The following OSBP2 variants were observed in gnomAD, a reference collection of about 807,000 sequenced individuals.
OSBP2 encodes oxysterol-binding protein 2.
Under a neutral mutation model 96.0 loss-of-function variants are expected in OSBP2, and 66 were observed. That is an observed-to-expected ratio of 0.69 (90% CI 0.56 to 0.84). The LOEUF (loss-of-function observed/expected upper bound fraction) is 0.84. OSBP2 is among the 40% of genes least tolerant of loss of function. OSBP2 has a pLI of 0.00. For missense variants in OSBP2, 1,038 were observed against 1,222.7 expected, an observed-to-expected ratio of 0.85 and a Z score of 2.25; for synonymous variants, 525 against 520.9, an observed-to-expected ratio of 1.01 and a Z score of -0.11.
At chr22:30,753,376 A>G (rs527979911) in intron 2 of OSBP2, among the ~76,000 whole-genome samples, 2 of 152,146 alleles carry the variant, frequency 1.3e-5, no homozygotes, top group Non-Finnish European at 2.9e-5. Flanking sequence ...GCAAAAGGGT[A>G]GATGTGTTCA....
intron 2 of OSBP2, among the ~76,000 whole-genome samples, chr22:30,774,660 C>T (rs185797559): frequency 3.3e-5 from 5 of 152,278 alleles, no homozygotes; most frequent in South Asian, 2.1e-4. Context: ...GCAAGAATTC[C>T]GGACAATCTA....
At chr22:30,895,741 C>T (rs1397174566) in intron 12 of OSBP2, among the ~76,000 whole-genome samples, 1 of 151,966 alleles carries the variant, frequency 6.6e-6, no homozygotes, top group South Asian at 2.1e-4. Context: ...GAGTTCAAGA[C>T]TACCCTGGCC....
intron 2 of OSBP2, among the ~76,000 whole-genome samples, chr22:30,772,106 G>T (rs1317205724): frequency 6.6e-6 from 1 of 152,218 alleles, no homozygotes; most frequent in African/African-American, 2.4e-5. Flanking sequence ...GGCAGGCTCT[G>T]CTCTGACCTT....
At chr22:30,761,178 A>G (rs76083736) in intron 2 of OSBP2, among the ~76,000 whole-genome samples, 150 of 152,332 alleles carry the variant, frequency 9.8e-4, no homozygotes, top group Non-Finnish European at 1.7e-3. Flanking sequence ...AGCTATCCCT[A>G]TTTGCAAGCG....
intron 1 of OSBP2, among the ~76,000 whole-genome samples, chr22:30,736,169 C>T (rs1056355577): frequency 2.0e-5 from 3 of 152,190 alleles, no homozygotes; most frequent in Admixed American, 6.5e-5. Flanking sequence ...CCACTTCGGC[C>T]TCCCAAAGTG....
rs1388383329 is a variant in OSBP2, at chr22:30,866,736, CA to C, written c.854-3687del. 2.2e-5 allele frequency among the ~76,000 whole-genome samples: 3 copies of C among 135,990 alleles called. No homozygotes were observed. In the South Asian group the frequency reaches 6.7e-4, roughly 30 times the overall value. 89.2% of individuals were successfully genotyped at this position (135,990 alleles called of 152,430 possible). A position where few individuals can be genotyped will look rare whatever the true frequency, so the allele number is the denominator to read the frequency against. On this transcript the variant is annotated intron_variant, in intron 2 of 13. Coordinates refer to ENST00000332585, the MANE Select transcript of OSBP2 (RefSeq NM_030758.4). ...TGGGCGACAGCGCGAGACTCTGTCT[CA>C]AAAAACAGGAAAAAAAAAAAATGTG...
chr22:30,854,482 A>T (rs2039040664), intron 2 of OSBP2, among the ~76,000 whole-genome samples: 1 of 150,876 alleles, frequency 6.6e-6, no homozygotes, highest in South Asian at 2.1e-4. Context: ...CTAATTTTTG[A>T]ATTTTTAGTA....
rs569880758 is a variant in OSBP2 at position 30,697,097 on chromosome 22, C to T, written c.644+1544C>T. 3.9e-5 allele frequency among the ~76,000 whole-genome samples: 6 copies of T among 152,192 alleles called. No homozygotes were observed. In the South Asian group the frequency reaches 6.2e-4, roughly 16 times the overall value. On this transcript the variant is annotated intron_variant, in intron 1 of 13. Transcript: ENST00000332585. Reference sequence around the variant, plus strand: ...ACCTGTCCCAAATGTGTCCTGATACCCACTCACCTTTGAGTTCAGCATGTC... The same window carrying T: ...ACCTGTCCCAAATGTGTCCTGATACTCACTCACCTTTGAGTTCAGCATGTC...
intron 2 of OSBP2, among the ~76,000 whole-genome samples, chr22:30,790,799 C>T (rs780783447): frequency 6.6e-6 from 1 of 152,018 alleles, no homozygotes; most frequent in Admixed American, 6.6e-5. Context: ...TTTAAAAATC[C>T]GTTAAGGGAT....
At chr22:30,794,323 A>G (rs1368828602) in intron 2 of OSBP2, among the ~76,000 whole-genome samples, 4 of 144,278 alleles carry the variant, frequency 2.8e-5, no homozygotes, top group Non-Finnish European at 6.0e-5. Context: ...GTGCAGTGGC[A>G]CGATCTCGAC....
At chr22:30,902,023 T>A (rs773801619) in intron 12 of OSBP2, among the ~76,000 whole-genome samples, 7 of 150,748 alleles carry the variant, frequency 4.6e-5, no homozygotes, top group Non-Finnish European at 1.0e-4. Flanking sequence ...TGAATAACTG[T>A]GGTACATTCG....
intron 2 of OSBP2, among the ~76,000 whole-genome samples, chr22:30,781,006 G>A (rs994809351): frequency 2.7e-5 from 4 of 150,894 alleles, no homozygotes; most frequent in South Asian, 2.1e-4. Flanking sequence ...ACGGAGTTTC[G>A]CTGTTGTCAC....
chr22:30,741,214 C>T lies in OSBP2; in HGVS notation c.698C>T (p.Ala233Val), dbSNP rs375249365. 2.5e-5 allele frequency: 41 copies of T among 1,614,024 alleles called. No individual in the cohort carries two copies. The highest frequency in any genetic ancestry group is 1.6e-4 in the Middle Eastern group (1 of 6,080). The change falls in exon 2 of 14, where the codon GCG becomes GTG. Residue 233 changes from alanine (A) to valine (V), a missense_variant. Physicochemically the swap from Ala to Val is moderately conservative, Grantham distance 64. Transcript: ENST00000332585. ...CGTGGAACCATCAACCTGTCCACCG[C>T]GCACATTGACACGGAGGACTCTTGT... is the stretch of plus-strand genomic sequence containing the variant. ...TCRGTINLSTAHIDTEDSCGI... is the reference protein window; with the variant it reads ...TCRGTINLSTVHIDTEDSCGI...
intron 1 of OSBP2, among the ~76,000 whole-genome samples, chr22:30,715,856 CTTTTT>C (rs56747830): frequency 3.1e-5 from 4 of 130,258 alleles, no homozygotes; most frequent in Non-Finnish European, 4.8e-5. Context: ...CACACCTAAC[CTTTTT>C]TTTTTTTTTT....
At chr22:30,787,990 G>C (rs1285240876) in intron 2 of OSBP2, among the ~76,000 whole-genome samples, 2 of 152,204 alleles carry the variant, frequency 1.3e-5, no homozygotes, top group African/African-American at 4.8e-5. Flanking sequence ...GAGCGCTTCA[G>C]TAGGCAGAGC....
At chr22:30,844,070 T>G (rs2038816736) in intron 2 of OSBP2, among the ~76,000 whole-genome samples, 1 of 152,048 alleles carries the variant, frequency 6.6e-6, no homozygotes, top group Non-Finnish European at 1.5e-5. Flanking sequence ...ACACAGAGTT[T>G]TACTGTGTCA....
At chr22:30,829,358 T>A (rs2038473610) in intron 2 of OSBP2, among the ~76,000 whole-genome samples, 1 of 152,222 alleles carries the variant, frequency 6.6e-6, no homozygotes, top group South Asian at 2.1e-4. Context: ...CGTGGTGCAA[T>A]CTCGGCTCAC....
Position 30,890,858 on chromosome 22 carries a change from T to C in OSBP2, c.1754T>C (p.Val585Ala). Residue 585 changes from valine to alanine, a missense_variant, in exon 8 of 14, where the codon GTG becomes GCG. Val to Ala is a moderately conservative substitution (Grantham distance 64). This residue lies in a region of OSBP2 where 737 missense variants were observed against 913.3 expected (regional missense o/e 0.81). Transcript: ENST00000332585. The surrounding 1 kb of genome is among the most constrained non-coding windows in gnomAD (Gnocchi z 4.4). The part of the protein sequence containing the change: ...EQMCLVAAFS[V>A]SSYSTTVHRI... Reference sequence around the variant, plus strand: ...ATGTGCCTGGTGGCCGCCTTCTCTGTGTCCTCCTACTCCACCACAGTGCAC... The same window carrying C: ...ATGTGCCTGGTGGCCGCCTTCTCTGCGTCCTCCTACTCCACCACAGTGCAC... 6.2e-7 allele frequency: 1 copy of C among 1,613,894 alleles called. No individual in the cohort carries two copies. The highest frequency in any genetic ancestry group is 8.5e-7 in the Non-Finnish European group (1 of 1,180,032).
chr22:30,811,165 C>CT (rs1491386766), intron 2 of OSBP2, among the ~76,000 whole-genome samples: 4 of 15,176 alleles, frequency 2.6e-4, no homozygotes, highest in Admixed American at 4.5e-4. Flanking sequence ...GTATACACAA[C>CT]CCCCCCCCCA....
Sources: allele counts gnomAD v4.1 joint callset (sites outside exome capture counted in the v4.1 genomes callset), GRCh38; gene constraint gnomAD v4.1.1; regional missense constraint gnomAD v4.1.1; non-coding constraint Gnocchi (gnomAD v3.1); transcripts MANE v1.5; gene names NCBI Gene and HGNC (gene_info 2026-07-23, HGNC 2026-07-21).